Variants in MAPK8IP3 observed in about 807,000 individuals in gnomAD.
MAPK8IP3 encodes C-Jun-amino-terminal kinase-interacting protein 3.
In MAPK8IP3, 49 loss-of-function variants were observed where a neutral mutation model predicts 157.8. That is an observed-to-expected ratio of 0.31 (90% CI 0.25 to 0.39). MAPK8IP3 has a LOEUF of 0.39. MAPK8IP3 is among the 10% of genes least tolerant of loss of function. The pLI, the probability that MAPK8IP3 is intolerant of heterozygous loss-of-function variation, is 1.00. For synonymous variants in MAPK8IP3, 897 were observed against 777.7 expected (o/e 1.15, Z -2.55); for missense variants, 1,478 against 1,889.4 (o/e 0.78, Z 4.04).
At chr16:1,760,126 G>GAGATGAGGA in intron 11 of MAPK8IP3, 111 bp downstream of exon 11, 1 of 1,207,140 alleles carries the variant, frequency 8.3e-7, no homozygotes, top group Non-Finnish European at 1.2e-6. Flanking sequence ...TCCAACGCCA[G>GAGATGAGGA]CAGCTGTCCT....
At position 1,706,698 on chromosome 16, in the gene MAPK8IP3, C is replaced by A; in HGVS notation, c.318+41C>A. 6.7e-7 allele frequency: 1 copy of A among 1,497,016 alleles called. No individual in the cohort carries two copies. Among genetic ancestry groups the A allele is most frequent in the South Asian group, 1.3e-5 (1 of 78,298 alleles). 92.7% of individuals were successfully genotyped at this position (1,497,016 alleles called of 1,614,324 possible). ...GACCCGCCCGCATCCCCGTCCCGGA[C>A]CCCCAGCCAGCCCCGGGCCCCGGAC... is the stretch of plus-strand genomic sequence containing the variant. On this transcript the variant is annotated intron_variant, in intron 1 of 31. Coordinates refer to ENST00000610761, the MANE Select transcript of MAPK8IP3 (RefSeq NM_001318852.2). The surrounding 1 kb of genome is among the most constrained non-coding windows in gnomAD (Gnocchi z 5.1).
At chr16:1,739,353 CAT>C in intron 4 of MAPK8IP3, among the ~76,000 whole-genome samples, 1 of 135,916 alleles carries the variant, frequency 7.4e-6, no homozygotes, top group Admixed American at 7.6e-5. Flanking sequence ...TCCATGTGAG[CAT>C]CCGTGTGAGC....
At chr16:1,730,461 C>T (rs1021190373) in intron 4 of MAPK8IP3, among the ~76,000 whole-genome samples, 5 of 151,720 alleles carry the variant, frequency 3.3e-5, no homozygotes, top group Non-Finnish European at 2.9e-5. Context: ...AAAATTAAGC[C>T]GGGCTCAGTG....
chr16:1,762,637 G>A (rs1336403281), intron 14 of MAPK8IP3, 38 bp from the exon 15 acceptor site: 4 of 1,542,684 alleles, frequency 2.6e-6, no homozygotes, highest in East Asian at 2.3e-5. Context: ...GGAGGCGTGA[G>A]GGCACTAGCA....
intron 2 of MAPK8IP3, among the ~76,000 whole-genome samples, chr16:1,727,265 TAGCGTCTGTGAGTTGTGTGCTGTGTGC>T (rs1234566552): frequency 1.3e-5 from 2 of 148,412 alleles, no homozygotes; most frequent in Non-Finnish European, 3.0e-5. Flanking sequence ...CTGCTGTGTG[TAGCGTCTGTGAGTTGTGTGCTGTGTGC>T]AGCGTCTGTG....
intron 16 of MAPK8IP3, among the ~76,000 whole-genome samples, 166 bp from the exon 17 acceptor site, chr16:1,763,491 C>G (rs1303879644): frequency 1.3e-5 from 2 of 151,986 alleles, no homozygotes; most frequent in Non-Finnish European, 2.9e-5. Flanking sequence ...GCTGGGCACC[C>G]AGTGCCGGGA....
intron 1 of MAPK8IP3, among the ~76,000 whole-genome samples, chr16:1,719,105 C>T (rs1418812225): frequency 1.3e-5 from 2 of 152,188 alleles, no homozygotes; most frequent in Non-Finnish European, 2.9e-5. Flanking sequence ...TCCCAAGTAG[C>T]TGGGACTATG....
At position 1,742,330 on chromosome 16, in the gene MAPK8IP3, G is replaced by A. The variant is rs1183267729; in HGVS notation, c.603-1002G>A. 1.3e-5 allele frequency among the ~76,000 whole-genome samples: 2 copies of A among 152,132 alleles called. No individual in the cohort carries two copies. The highest frequency in any genetic ancestry group is 1.9e-4 in the East Asian group (1 of 5,178). On this transcript the variant is annotated intron_variant, in intron 4 of 31. Coordinates refer to ENST00000610761, the MANE Select transcript of MAPK8IP3 (RefSeq NM_001318852.2). The surrounding 1 kb of genome is among the most constrained non-coding windows in gnomAD (Gnocchi z 5.0). ...CCCTAGGGACTGAGCCCACAGCAGG[G>A]GGCACTGAGCACTGTCCTGACAGCT...
intron 6 of MAPK8IP3, 85 bp from the exon 7 acceptor site, chr16:1,748,159 G>A: frequency 1.0e-6 from 1 of 995,244 alleles, no homozygotes; most frequent in African/African-American, 1.6e-5. Flanking sequence ...CAGCCCACCA[G>A]ACTCAGGTTC....
At chr16:1,718,319 G>A (rs1268472426) in intron 1 of MAPK8IP3, among the ~76,000 whole-genome samples, 1 of 151,610 alleles carries the variant, frequency 6.6e-6, no homozygotes, top group Non-Finnish European at 1.5e-5. Context: ...TGAGTAGCTG[G>A]GATTACAGGC....
At position 1,767,740 on chromosome 16, in the gene MAPK8IP3, G is replaced by C; in HGVS notation, c.3409+5G>C. ...CCTACGTCAGCAAGATGCTAGGTGA[G>C]GGGCCACGCCAGATGGGGTGGTGGG... On this transcript the variant is annotated splice_donor_5th_base_variant and intron_variant, in intron 27 of 31. Coordinates refer to ENST00000610761, the MANE Select transcript of MAPK8IP3 (RefSeq NM_001318852.2). 1 of 1,612,548 alleles carries C rather than the reference G, an allele frequency of 6.2e-7. No homozygotes were observed. The highest frequency in any genetic ancestry group is 8.5e-7 in the Non-Finnish European group (1 of 1,179,888).
rs1391976298 is a variant in MAPK8IP3, at chr16:1,711,280, T to C, written c.318+4623T>C. ...CAGGGGTCCCTGTGTCCTTGTTGTG[T>C]CCTGTGTTCTGCGGTGGCCCCTCGT... is the stretch of plus-strand genomic sequence containing the variant. On this transcript the variant is annotated intron_variant, in intron 1 of 31. Coordinates refer to ENST00000610761, the MANE Select transcript of MAPK8IP3 (RefSeq NM_001318852.2). Among the ~76,000 whole-genome samples the C allele has an allele frequency of 3.9e-5, 6 of 152,322 alleles. No homozygotes were observed. In the East Asian group the frequency reaches 1.2e-3, roughly 29 times the overall value.
At chr16:1,753,503 C>G (rs1393080356) in intron 8 of MAPK8IP3, among the ~76,000 whole-genome samples, 1 of 151,544 alleles carries the variant, frequency 6.6e-6, no homozygotes, top group African/African-American at 2.4e-5. Flanking sequence ...TGCAGTGACA[C>G]GATATCAGCT....
chr16:1,768,524 G>T lies in MAPK8IP3; in HGVS notation c.3790G>T (p.Glu1264Ter). Residue 1264 changes from glutamate (E) to a stop codon, truncating the protein, a stop_gained, in exon 31 of 32, where the codon GAG becomes TAG. Coordinates refer to ENST00000610761, the MANE Select transcript of MAPK8IP3 (RefSeq NM_001318852.2). LOFTEE classifies it high-confidence loss of function. ...TGGGAGTGTGCTGGACAGCCCAGCC[G>T]AGGGCCCTGGGCCAGCTGCCCCTGC... The part of the protein sequence containing the change: ...LNGSVLDSPA[E>*]GPGPAAPASE... The T allele has an allele frequency of 6.4e-7, 1 of 1,558,742 alleles. No homozygotes were observed.
At chr16:1,761,170 TC>T in intron 12 of MAPK8IP3, 53 bp from the exon 13 acceptor site, 2 of 1,434,442 alleles carry the variant, frequency 1.4e-6, no homozygotes, top group Non-Finnish European at 9.8e-7. Flanking sequence ...CGCTATGTGT[TC>T]CCGAGGCCCC....
rs934631038 is a variant in MAPK8IP3 at position 1,769,565 on chromosome 16, C to G, written c.*741C>G. On this transcript the variant is annotated 3_prime_UTR_variant, in exon 32 of 32. Coordinates refer to ENST00000610761, the MANE Select transcript of MAPK8IP3 (RefSeq NM_001318852.2). ...CGTGTCCCCCCAGGCTCTGCCTGGG[C>G]AGAAGACTCACCTTGGAGGAGTGGG... 2 of 152,588 alleles carry G rather than the reference C, an allele frequency of 1.3e-5. No individual in the cohort carries two copies. The highest frequency in any genetic ancestry group is 2.9e-5 in the Non-Finnish European group (2 of 68,202). 9.5% of individuals were successfully genotyped at this position (152,588 alleles called of 1,614,324 possible). A position where few individuals can be genotyped will look rare whatever the true frequency, so the allele number is the denominator to read the frequency against.
intron 4 of MAPK8IP3, among the ~76,000 whole-genome samples, chr16:1,732,622 G>A (rs996247724): frequency 1.3e-5 from 2 of 151,922 alleles, no homozygotes; most frequent in African/African-American, 2.4e-5. Flanking sequence ...GGGCGGCGCC[G>A]GCCATCTGCC....
chr16:1,716,902 A>T, intron 1 of MAPK8IP3, among the ~76,000 whole-genome samples: 1 of 151,830 alleles, frequency 6.6e-6, no homozygotes, highest in Non-Finnish European at 1.5e-5. Context: ...TACTAAAAAT[A>T]AAAAAAATTA....
At position 1,747,226 on chromosome 16, in the gene MAPK8IP3, C is replaced by A. The variant is rs1370092655; in HGVS notation, c.945C>A (p.Ser315Arg). ...NSKRAREKRD[S>R]RNMEVQVTQE... ...AGCGTGCCCGGGAGAAGCGCGACAGCCGCAACATGGAAGTACAGGTCACCC... is the reference window on the plus strand; with the variant it reads ...AGCGTGCCCGGGAGAAGCGCGACAGACGCAACATGGAAGTACAGGTCACCC... Residue 315 changes from serine (S) to arginine (R), a missense_variant, in exon 6 of 32, where the codon AGC becomes AGA. Ser to Arg is a moderately radical substitution (Grantham distance 110). Transcript: ENST00000610761. The A allele has an allele frequency of 1.2e-6, 2 of 1,613,866 alleles. No individual in the cohort carries two copies. The highest frequency in any genetic ancestry group is 3.3e-5 in the Admixed American group (2 of 60,034).
Sources: gnomAD v4.1 joint callset for allele counts (sites outside exome capture counted in the v4.1 genomes callset) on GRCh38, gnomAD v4.1.1 for gene constraint, Gnocchi (gnomAD v3.1) non-coding constraint, MANE v1.5 for transcripts, NCBI Gene and HGNC (gene_info 2026-07-23, HGNC 2026-07-21) for gene names.